The following MEG3 variants were observed in gnomAD, a reference collection of about 807,000 sequenced individuals.
MEG3 encodes maternally expressed 3, also known as Very putative protein from MEG3 locus.
intron 2 of MEG3, among the ~76,000 whole-genome samples, chr14:100,843,257 C>T (rs932576042): frequency 4.6e-5 from 7 of 152,208 alleles, no homozygotes; most frequent in South Asian, 2.1e-4. Flanking sequence ...AAAACAAAAA[C>T]AGCCAAACAA....
chr14:100,842,172 C>A (rs2037779945), intron 2 of MEG3, among the ~76,000 whole-genome samples: 1 of 152,166 alleles, frequency 6.6e-6, no homozygotes, highest in South Asian at 2.1e-4. Flanking sequence ...TGCTACAATA[C>A]CTGCGAGCTG....
At chr14:100,826,147 G>C (rs369995817) in intron 1 of MEG3, 18 of 152,352 alleles carry the variant, frequency 1.2e-4, no homozygotes, top group South Asian at 8.3e-4. Flanking sequence ...GAGGGAGCGC[G>C]CCTTGGCTCG....
At position 100,837,166 on chromosome 14, in the gene MEG3, C is replaced by T. The variant is rs1021498588; in HGVS notation, n.3045+866C>T. Among the ~76,000 whole-genome samples, 3 of 152,062 alleles carry T rather than the reference C, an allele frequency of 2.0e-5. No homozygotes were observed. The highest frequency in any genetic ancestry group is 2.9e-5 in the Non-Finnish European group (2 of 68,002). ...CAGCCAGGCGAGGTGTCGTCGAGGG[C>T]GGGGGCTCAGGGTGGCATGCTGGAC... is the stretch of plus-strand genomic sequence containing the variant. On this transcript the variant is annotated intron_variant and non_coding_transcript_variant, in intron 2 of 3. Coordinates refer to the MEG3 transcript ENST00000398461. This position sits in a 1 kb window ranked among gnomAD's most constrained non-coding sequence, Gnocchi z 5.8.
chr14:100,827,401 G>T (rs1172138292), intron 1 of MEG3: 1 of 152,206 alleles, frequency 6.6e-6, no homozygotes, highest in African/African-American at 2.4e-5. Context: ...GGATCTACTG[G>T]AGGATCCTGG....
exon 1 of MEG3, chr14:100,859,514 G>C (rs2038342110): frequency 6.6e-6 from 1 of 152,226 alleles, no homozygotes; most frequent in Non-Finnish European, 1.5e-5. Flanking sequence ...CCCTCCCTGA[G>C]GCTGGAGGCT....
chr14:100,829,915 G>C (rs2037350012), downstream of MEG3: 1 of 152,194 alleles, frequency 6.6e-6, no homozygotes, highest in Admixed American at 6.5e-5. Context: ...GCATTTGGTA[G>C]TGTTGATTTT....
At chr14:100,827,937 C>T (rs2037288483) in intron 1 of MEG3, among the ~76,000 whole-genome samples, 1 of 152,170 alleles carries the variant, frequency 6.6e-6, no homozygotes, top group South Asian at 2.1e-4. Context: ...GGGCCTGGCG[C>T]AGGTCCGCTG....
chr14:100,845,676 C>T lies in MEG3; in HGVS notation n.3121+143C>T, dbSNP rs2037898853. 3.1e-6 allele frequency: 1 copy of T among 326,782 alleles called. No individual in the cohort carries two copies. The highest frequency in any genetic ancestry group is 2.2e-5 in the African/African-American group (1 of 45,504). 20.2% of individuals were successfully genotyped at this position (326,782 alleles called of 1,614,324 possible). A position where few individuals can be genotyped will look rare whatever the true frequency, so the allele number is the denominator to read the frequency against. On this transcript the variant is annotated intron_variant and non_coding_transcript_variant, in intron 3 of 3. Transcript: ENST00000398461. The surrounding 1 kb of genome is among the most constrained non-coding windows in gnomAD (Gnocchi z 5.2). Reference sequence around the variant, plus strand: ...GTCTGTGCACCGGGAGGTGGGTGCCCATCGAGTCAAGCCAAGTGCAGACCT... The same window carrying T: ...GTCTGTGCACCGGGAGGTGGGTGCCTATCGAGTCAAGCCAAGTGCAGACCT...
chr14:100,846,534 G>A (rs2037922520), intron 3 of MEG3: 1 of 152,294 alleles, frequency 6.6e-6, no homozygotes, highest in South Asian at 2.1e-4. Flanking sequence ...AAGATACTGT[G>A]AATGTTCTGA....
rs1307727391 is a variant in MEG3 at position 100,835,181 on chromosome 14, C to T, written n.2213C>T. The T allele has an allele frequency of 2.4e-5, 6 of 254,104 alleles. No individual in the cohort carries two copies. The Admixed American group carries it at 2.4e-4, about 10-fold the overall frequency. The allele number at this position is 254,104 out of a possible 1,614,324, so 15.7% of individuals were successfully genotyped here. ...CAGCCCCTTCTCCCTCTCTGCCTTC[C>T]CCGCCCCATTCCTGATGCTGAACTG... On this transcript the variant is annotated non_coding_transcript_exon_variant, in exon 1 of 4. Transcript: ENST00000398461.
At chr14:100,826,903 G>C (rs567026446) in intron 1 of MEG3, among the ~76,000 whole-genome samples, 1 of 152,156 alleles carries the variant, frequency 6.6e-6, no homozygotes, top group Non-Finnish European at 1.5e-5. Flanking sequence ...AAACCTGCCA[G>C]TAGCCCCCTA....
intron 1 of MEG3, chr14:100,860,675 A>G (rs1355552671): frequency 2.2e-6 from 1 of 456,650 alleles, no homozygotes; most frequent in East Asian, 7.0e-5. Context: ...TTCATCTGCA[A>G]CTGTGTCTCT....
chr14:100,826,849 C>T (rs1595249799), intron 1 of MEG3, among the ~76,000 whole-genome samples: 1 of 152,096 alleles, frequency 6.6e-6, no homozygotes, highest in Non-Finnish European at 1.5e-5. Flanking sequence ...TGGTTCTGCC[C>T]TGATCAGCCA....
chr14:100,847,079 C>A (rs974558889), intron 3 of MEG3: 1 of 150,406 alleles, frequency 6.6e-6, no homozygotes, highest in South Asian at 2.1e-4. Context: ...GTAAGGAGGA[C>A]CATGTCAGAC....
At chr14:100,831,979 C>A (rs2037407515), downstream of MEG3, 2 of 151,992 alleles carry the variant, frequency 1.3e-5, no homozygotes, top group African/African-American at 4.8e-5. Context: ...TGGGAAAATA[C>A]AACTGGAGGC....
At chr14:100,838,159 G>C (rs368496766) in intron 2 of MEG3, among the ~76,000 whole-genome samples, 1 of 152,228 alleles carries the variant, frequency 6.6e-6, no homozygotes, top group Admixed American at 6.5e-5. Context: ...CTCTTGGACT[G>C]GTTTCTCACG....
Position 100,845,482 on chromosome 14 carries a change from C to A in MEG3, n.3070C>A, listed in dbSNP as rs769394795. 4.4e-6 allele frequency: 2 copies of A among 456,648 alleles called. No homozygotes were observed. The highest frequency in any genetic ancestry group is 2.0e-5 in the African/African-American group (1 of 50,098). The allele number at this position is 456,648 out of a possible 1,614,324, so 28.3% of individuals were successfully genotyped here. A position where few individuals can be genotyped will look rare whatever the true frequency, so the allele number is the denominator to read the frequency against. Reference sequence around the variant, plus strand: ...GCGGAAGCCATCACCTGGATGCCTACGTGGGAAGGGACCTCGAATGTGGGA... The same window carrying A: ...GCGGAAGCCATCACCTGGATGCCTAAGTGGGAAGGGACCTCGAATGTGGGA... On this transcript the variant is annotated non_coding_transcript_exon_variant, in exon 3 of 4. Coordinates refer to the MEG3 transcript ENST00000398461. This position sits in a 1 kb window ranked among gnomAD's most constrained non-coding sequence, Gnocchi z 5.2.
At chr14:100,842,418 A>T (rs951730156) in intron 2 of MEG3, among the ~76,000 whole-genome samples, 1 of 152,168 alleles carries the variant, frequency 6.6e-6, no homozygotes, top group Non-Finnish European at 1.5e-5. Flanking sequence ...GAGAGAGGGG[A>T]CATGATTTCA....
exon 1 of MEG3, chr14:100,835,094 G>T: frequency 3.0e-6 from 1 of 338,064 alleles, no homozygotes; most frequent in African/African-American, 2.2e-5. Flanking sequence ...GCTCCATAGA[G>T]GTAGGCCGGA....
Sources: gnomAD v4.1 joint callset for allele counts (sites outside exome capture counted in the v4.1 genomes callset) on GRCh38, gnomAD v4.1.1 for gene constraint, Gnocchi (gnomAD v3.1) non-coding constraint, MANE v1.5 for transcripts, NCBI Gene and HGNC (gene_info 2026-07-23, HGNC 2026-07-21) for gene names.